Variants in ZNF232 observed in about 807,000 individuals in gnomAD.
The protein encoded by ZNF232 is zinc finger and SCAN domain-containing protein 11.
Under a neutral mutation model 25.2 loss-of-function variants are expected in ZNF232, and 25 were observed. The ratio of observed to expected loss-of-function variants is 0.99; its 90% confidence interval spans 0.72 to 1.39. ZNF232 has a LOEUF of 1.39. Ranked by LOEUF, ZNF232 falls within the 40% of genes most tolerant of loss-of-function variation. ZNF232 has a pLI of 0.00. For missense variants in ZNF232, 519 were observed against 520.9 expected (o/e 1.00, Z 0.04); for synonymous variants, 193 against 182.9 (o/e 1.06, Z -0.45).
At chr17:5,121,622 G>A (rs7209201) in intron 1 of ZNF232, 9,006 of 161,700 alleles carry the variant, frequency 0.056, 896 homozygotes, top group African/African-American at 0.2. Context: ...GCATGGAGCA[G>A]CAGCTGTGCG....
At chr17:5,105,792 G>T (rs770277710) in exon 4 of ZNF232, 1 of 1,520,982 alleles carries the variant, frequency 6.6e-7, no homozygotes, top group Non-Finnish European at 8.8e-7. Flanking sequence ...GACCGATGTA[G>T]AATTCTGTCT....
At chr17:5,119,513 C>G (rs1444186417) in intron 1 of ZNF232, among the ~76,000 whole-genome samples, 1 of 152,150 alleles carries the variant, frequency 6.6e-6, no homozygotes, top group African/African-American at 2.4e-5. Flanking sequence ...AGGCTGGGGC[C>G]CAGAAACCCC....
At chr17:5,109,340 C>G (rs779563239) in intron 2 of ZNF232, 54 bp downstream of exon 2, 2 of 1,606,290 alleles carry the variant, frequency 1.2e-6, no homozygotes, top group Non-Finnish European at 8.5e-7. Flanking sequence ...CCCCTCGGTC[C>G]AGCCTGAAGG....
chr17:5,112,520 T>C (rs999194521), upstream of ZNF232, among the ~76,000 whole-genome samples: 11 of 151,854 alleles, frequency 7.2e-5, no homozygotes, highest in African/African-American at 2.4e-4. Flanking sequence ...GGCGCGATCT[T>C]GGCTCACTGC....
chr17:5,109,127 A>C, intron 2 of ZNF232, 75 bp from the exon 3 acceptor site: 1 of 1,600,484 alleles, frequency 6.2e-7, no homozygotes, highest in South Asian at 1.1e-5. Flanking sequence ...CTGCCTGGAC[A>C]CTTGCAGATG....
exon 3 of ZNF232, chr17:5,108,956 G>C: frequency 6.2e-7 from 1 of 1,614,076 alleles, no homozygotes; most frequent in South Asian, 1.1e-5. Flanking sequence ...GTCTCCTTAG[G>C]CTGGAGCTGG....
At chr17:5,109,141 C>G (rs1342381801) in intron 2 of ZNF232, 89 bp from the exon 3 acceptor site, 3 of 1,581,010 alleles carry the variant, frequency 1.9e-6, no homozygotes, top group Non-Finnish European at 2.6e-6. Flanking sequence ...GCAGATGTGA[C>G]CCTCCTTGGA....
chr17:5,112,524 T>C (rs1310537967), upstream of ZNF232, among the ~76,000 whole-genome samples: 1 of 151,688 alleles, frequency 6.6e-6, no homozygotes, highest in Non-Finnish European at 1.5e-5. Flanking sequence ...CGATCTTGGC[T>C]CACTGCAAGC....
chr17:5,107,002 CAACT>C (rs765510269), intron 3 of ZNF232, among the ~76,000 whole-genome samples: 4 of 151,984 alleles, frequency 2.6e-5, no homozygotes, highest in African/African-American at 4.8e-5. Flanking sequence ...AGAGGACTCT[CAACT>C]AACTGCCTCC....
At chr17:5,120,930 G>A (rs1281254881) in intron 1 of ZNF232, 6 of 454,390 alleles carry the variant, frequency 1.3e-5, no homozygotes, top group Non-Finnish European at 2.2e-5. Flanking sequence ...TCATGATTTC[G>A]ATGTAAAATG....
At chr17:5,110,270 G>A (rs1479487620) in intron 1 of ZNF232, among the ~76,000 whole-genome samples, 6 of 152,098 alleles carry the variant, frequency 3.9e-5, no homozygotes, top group Non-Finnish European at 7.3e-5. Flanking sequence ...ATGCCCTGTA[G>A]TCCCGCTTTT....
intron 1 of ZNF232, chr17:5,116,847 G>C (rs1030275680): frequency 6.6e-6 from 1 of 152,286 alleles, no homozygotes; most frequent in African/African-American, 2.4e-5. Flanking sequence ...TTGATGGTAA[G>C]TGCTTATCAC....
chr17:5,117,341 C>T (rs1403215760), intron 1 of ZNF232, among the ~76,000 whole-genome samples: 1 of 151,956 alleles, frequency 6.6e-6, no homozygotes, highest in Non-Finnish European at 1.5e-5. Context: ...CATGGTGAAA[C>T]CCCCTCTCTA....
intron 1 of ZNF232, 72 bp from the exon 2 acceptor site, chr17:5,109,940 A>G (rs986797958): frequency 7.0e-7 from 1 of 1,423,718 alleles, no homozygotes; most frequent in African/African-American, 1.4e-5. Context: ...CCCAGGCTGG[A>G]GTGCAGTGAC....
chr17:5,111,710 G>C, intron 1 of ZNF232, 90 bp downstream of exon 1: 1 of 1,602,062 alleles, frequency 6.2e-7, no homozygotes, highest in Non-Finnish European at 8.5e-7. Flanking sequence ...TGCCTGCCAG[G>C]CCTGCTCACT....
chr17:5,110,191 C>T (rs937184121), intron 1 of ZNF232, among the ~76,000 whole-genome samples: 2 of 134,916 alleles, frequency 1.5e-5, no homozygotes, highest in Non-Finnish European at 3.3e-5. Context: ...CGCGCCCGTC[C>T]TCCTCTTCTT....
chr17:5,109,766 A>G (rs770758794), exon 2 of ZNF232: 1 of 1,613,940 alleles, frequency 6.2e-7, no homozygotes. Context: ...GTCCCTGTGT[A>G]CCCTGAAGGG....
upstream of ZNF232, among the ~76,000 whole-genome samples, chr17:5,115,610 C>G (rs1201189351): frequency 6.6e-5 from 10 of 150,386 alleles, no homozygotes; most frequent in Non-Finnish European, 1.5e-4. Flanking sequence ...GTTCTGTATT[C>G]CAGAGGGATT....
At chr17:5,120,894 C>A (rs1266910126) in intron 1 of ZNF232, 1 of 454,410 alleles carries the variant, frequency 2.2e-6, no homozygotes, top group South Asian at 1.6e-5. Flanking sequence ...GTTGGAAGGA[C>A]TTTGGAAACC....
Sources: allele counts gnomAD v4.1 joint callset (sites outside exome capture counted in the v4.1 genomes callset), GRCh38; gene constraint gnomAD v4.1.1; transcripts MANE v1.5; gene names NCBI Gene and HGNC (gene_info 2026-07-23, HGNC 2026-07-21).